PPP4R3A: variants seen among roughly 807,000 people sequenced by gnomAD.
The protein encoded by PPP4R3A is protein phosphatase 4 regulatory subunit 3A.
A neutral mutation model predicts 91.7 loss-of-function variants in PPP4R3A; 15 were observed. The observed-to-expected ratio is 0.16, with a 90% CI of 0.11 to 0.25. The LOEUF (loss-of-function observed/expected upper bound fraction) is 0.25. Ranked by LOEUF, PPP4R3A falls within the 10% of genes least tolerant of loss-of-function variation. The probability of loss-of-function intolerance (pLI) is 1.00; values close to 1 mark genes in which losing one functional copy is unlikely to be tolerated. For synonymous variants in PPP4R3A, 377 were observed against 348.7 expected, an observed-to-expected ratio of 1.08 and a Z score of -0.91; for missense variants, 623 against 998.4, an observed-to-expected ratio of 0.62 and a Z score of 5.07.
chr14:91,507,920 G>C (rs1319135440), intron 1 of PPP4R3A, among the ~76,000 whole-genome samples: 7 of 152,024 alleles, frequency 4.6e-5, no homozygotes, highest in Non-Finnish European at 7.4e-5. Context: ...TCAGGAGTTT[G>C]AGACCAGCCT....
chr14:91,485,916 AAAT>A (rs1426671837), intron 2 of PPP4R3A, among the ~76,000 whole-genome samples, 186 bp from the exon 3 acceptor site: 1 of 152,246 alleles, frequency 6.6e-6, no homozygotes, highest in African/African-American at 2.4e-5. Flanking sequence ...TATAAAACAA[AAAT>A]AATGTTTCCT....
chr14:91,497,052 T>C (rs1209402708), intron 1 of PPP4R3A, among the ~76,000 whole-genome samples: 1 of 152,110 alleles, frequency 6.6e-6, no homozygotes, highest in African/African-American at 2.4e-5. Flanking sequence ...TGGGTATGGA[T>C]GGGGATATAG....
chr14:91,466,327 A>T, intron 10 of PPP4R3A: 3 of 985,828 alleles, frequency 3.0e-6, no homozygotes, highest in Non-Finnish European at 3.6e-6. Context: ...GTTTCTTTGG[A>T]GATCATGGAA....
intron 1 of PPP4R3A, among the ~76,000 whole-genome samples, chr14:91,500,227 C>T (rs1239879614): frequency 6.4e-3 from 2 of 312 alleles, no homozygotes; most frequent in East Asian, 0.17. Context: ...TTTTTTGAGA[C>T]GGATTTCACT....
In PPP4R3A at chr14:91,475,916, G is replaced by A. The variant is rs1385885579; in HGVS notation, c.1161C>T (p.Tyr387=). 2 of 1,612,252 alleles carry A rather than the reference G, an allele frequency of 1.2e-6. No individual in the cohort carries two copies. Among genetic ancestry groups the A allele is most frequent in the Admixed American group, 1.7e-5 (1 of 59,368 alleles). The part of the protein sequence containing the change: ...VRSAATDIFS[Y]LVEYNPSMVR... ...CCATGGATGGATTATATTCAACCAA[G>A]TATGAGAATATATCAGTAGCAGCAC... Residue 387 remains tyrosine, a synonymous_variant, in exon 7 of 15, where the codon TAC becomes TAT. Transcript: ENST00000554943.
At chr14:91,469,523 A>G (rs1888707039) in intron 10 of PPP4R3A, among the ~76,000 whole-genome samples, 1 of 152,258 alleles carries the variant, frequency 6.6e-6, no homozygotes, top group African/African-American at 2.4e-5. Context: ...AGGAAGTTTA[A>G]TGAATTTTAA....
At chr14:91,495,918 CA>C (rs1226672274) in intron 1 of PPP4R3A, among the ~76,000 whole-genome samples, 1 of 83,540 alleles carries the variant, frequency 1.2e-5, no homozygotes, top group Admixed American at 1.5e-4. Flanking sequence ...GACCCAGTCT[CA>C]AAAAAACAAA....
Position 91,462,036 on chromosome 14 carries a change from T to G in PPP4R3A, c.2164+13A>C, listed in dbSNP as rs755361184. On this transcript the variant is annotated intron_variant, in intron 13 of 14. Transcript: ENST00000554943. ...AGCCTTAATTTTCTCTTGCCCATTT[T>G]TTTCCAACATACATTTCTTCCTTTC... 1 of 1,491,096 alleles carries G rather than the reference T, an allele frequency of 6.7e-7. No individual in the cohort carries two copies. The highest frequency in any genetic ancestry group is 2.4e-5 in the East Asian group (1 of 41,090). The allele number at this position is 1,491,096 out of a possible 1,614,324, so 92.4% of individuals were successfully genotyped here. A position where few individuals can be genotyped will look rare whatever the true frequency, so the allele number is the denominator to read the frequency against.
chr14:91,490,915 T>C (rs1426825785), intron 1 of PPP4R3A, 113 bp from the exon 2 acceptor site: 2 of 487,670 alleles, frequency 4.1e-6, no homozygotes, highest in African/African-American at 2.1e-5. Context: ...TTTTTTTTTT[T>C]TTTTAATGAG....
At chr14:91,463,720 T>G (rs1209600696) in intron 11 of PPP4R3A, among the ~76,000 whole-genome samples, 1 of 152,172 alleles carries the variant, frequency 6.6e-6, no homozygotes, top group Non-Finnish European at 1.5e-5. Flanking sequence ...ATTACAGGCA[T>G]AAGCCACTAT....
Position 91,509,798 on chromosome 14 carries a change from G to A in PPP4R3A, c.-151C>T, listed in dbSNP as rs1450990441. ...CTGGGCGCCGCGGGGCCGCGCCGCC[G>A]CCTGCATGGCCCGCTCCAGGGACCG... On this transcript the variant is annotated 5_prime_UTR_variant, in exon 1 of 15. Coordinates refer to ENST00000554943, the MANE Select transcript of PPP4R3A (RefSeq NM_001366432.2). 1.6e-5 allele frequency: 20 copies of A among 1,234,228 alleles called. No homozygotes were observed. The highest frequency in any genetic ancestry group is 2.0e-5 in the Non-Finnish European group (20 of 992,120). The allele number at this position is 1,234,228 out of a possible 1,614,324, so 76.5% of individuals were successfully genotyped here.
At chr14:91,507,420 A>ATATGTACTATAATTATATATACTATATAG (rs1891411958) in intron 1 of PPP4R3A, among the ~76,000 whole-genome samples, 1 of 79,790 alleles carries the variant, frequency 1.3e-5, no homozygotes, top group South Asian at 3.8e-4. Context: ...ATACTATATA[A>ATATGTACTATAATTATATATACTATATAG]TATATATACT....
At chr14:91,464,590 C>G (rs1288792165) in intron 11 of PPP4R3A, among the ~76,000 whole-genome samples, 1 of 151,966 alleles carries the variant, frequency 6.6e-6, no homozygotes, top group Non-Finnish European at 1.5e-5. Flanking sequence ...CTCTAAGAAA[C>G]AAACAAAACA....
chr14:91,499,466 G>A (rs757040880), intron 1 of PPP4R3A, among the ~76,000 whole-genome samples: 3 of 151,910 alleles, frequency 2.0e-5, no homozygotes, highest in Admixed American at 2.0e-4. Context: ...GATAATAGAG[G>A]TGTTTACAAT....
At chr14:91,472,382 A>T (rs143789640) in intron 9 of PPP4R3A, among the ~76,000 whole-genome samples, 13 of 149,734 alleles carry the variant, frequency 8.7e-5, no homozygotes, top group Admixed American at 3.3e-4. Flanking sequence ...ACTGAATACA[A>T]ATATTGTTCA....
intron 1 of PPP4R3A, among the ~76,000 whole-genome samples, chr14:91,492,382 C>G (rs758139478): frequency 1.2e-4 from 19 of 152,314 alleles, no homozygotes; most frequent in Non-Finnish European, 2.2e-4. Context: ...CTTAACATTT[C>G]CAAATTTAGT....
At chr14:91,505,344 G>A (rs1891227174) in intron 1 of PPP4R3A, among the ~76,000 whole-genome samples, 1 of 151,750 alleles carries the variant, frequency 6.6e-6, no homozygotes, top group Non-Finnish European at 1.5e-5. Flanking sequence ...TCCCAGGCTT[G>A]AGGCTTGAAG....
intron 2 of PPP4R3A, among the ~76,000 whole-genome samples, chr14:91,487,071 C>T (rs1364362934): frequency 6.6e-6 from 1 of 151,600 alleles, no homozygotes; most frequent in Non-Finnish European, 1.5e-5. Context: ...ACAGGTAAAG[C>T]CCCGTCTCTA....
chr14:91,482,288 A>T (rs966717351), intron 3 of PPP4R3A, 95 bp from the exon 4 acceptor site: 13 of 1,335,066 alleles, frequency 9.7e-6, no homozygotes, highest in African/African-American at 1.5e-5. Flanking sequence ...TGTTGTAAGA[A>T]ACCTATAATG....
Sources: allele counts gnomAD v4.1 joint callset (sites outside exome capture counted in the v4.1 genomes callset), GRCh38; gene constraint gnomAD v4.1.1; transcripts MANE v1.5; gene names NCBI Gene and HGNC (gene_info 2026-07-23, HGNC 2026-07-21).